Variants in ST3GAL4 observed in about 807,000 individuals in gnomAD.
The protein encoded by ST3GAL4 is ST3 beta-galactoside alpha-2,3-sialyltransferase 4.
In ST3GAL4, 24 loss-of-function variants were observed where a neutral mutation model predicts 42.6. The observed-to-expected ratio is 0.56, with a 90% CI of 0.41 to 0.79. ST3GAL4 has a LOEUF of 0.79. ST3GAL4 is among the 30% of genes least tolerant of loss of function. ST3GAL4 has a pLI of 0.00. For missense variants in ST3GAL4, 311 were observed against 430.8 expected, an observed-to-expected ratio of 0.72 and a Z score of 2.46; for synonymous variants, 135 against 163.2, an observed-to-expected ratio of 0.83 and a Z score of 1.32.
rs571425052 is a variant in ST3GAL4 at position 126,412,360 on chromosome 11, T to G, written c.772-1145T>G. 7.9e-5 allele frequency among the ~76,000 whole-genome samples: 12 copies of G among 152,064 alleles called. No individual in the cohort carries two copies. In the East Asian group the frequency reaches 2.3e-3, roughly 29 times the overall value. On this transcript the variant is annotated intron_variant, in intron 9 of 10. Coordinates refer to ENST00000444328, the MANE Select transcript of ST3GAL4 (RefSeq NM_001254757.2). ...TGGCATGTCGACAGGCCTGATGAGG[T>G]CCAGGAAAGGCTCCCAAATGGGTAT...
chr11:126,372,369 C>G lies in ST3GAL4; in HGVS notation c.-61+16527C>G, dbSNP rs547358718. ...TTTGCATAGTGTCTTCAAGGTTGAT[C>G]CATGTTGCAGTGTATGTCAGAATTT... On this transcript the variant is annotated intron_variant, in intron 1 of 10. Coordinates refer to ENST00000444328, the MANE Select transcript of ST3GAL4 (RefSeq NM_001254757.2). Among the ~76,000 whole-genome samples the G allele has an allele frequency of 1.6e-4, 25 of 152,146 alleles. No individual in the cohort carries two copies. In the South Asian group the frequency reaches 5.0e-3, roughly 30 times the overall value.
In ST3GAL4 at chr11:126,384,887, G is replaced by C; in HGVS notation, c.-60-21209G>C. Reference sequence around the variant, plus strand: ...GGTAGTGGTGGGGGCAGTGGCTGAGGACCCCTCTCTTTGCTGGGCTGGGAC... The same window carrying C: ...GGTAGTGGTGGGGGCAGTGGCTGAGCACCCCTCTCTTTGCTGGGCTGGGAC... On this transcript the variant is annotated intron_variant, in intron 1 of 10. Transcript: ENST00000444328. The surrounding 1 kb of genome is among the most constrained non-coding windows in gnomAD (Gnocchi z 5.5). 1 of 985,374 alleles carries C rather than the reference G, an allele frequency of 1.0e-6. No homozygotes were observed. Among genetic ancestry groups the C allele is most frequent in the Non-Finnish European group, 1.2e-6 (1 of 829,914 alleles). The allele number at this position is 985,374 out of a possible 1,614,324, so 61.0% of individuals were successfully genotyped here. A position where few individuals can be genotyped will look rare whatever the true frequency, so the allele number is the denominator to read the frequency against.
intron 1 of ST3GAL4, among the ~76,000 whole-genome samples, chr11:126,381,101 C>T (rs980207008): frequency 1.3e-5 from 2 of 152,228 alleles, no homozygotes; most frequent in African/African-American, 2.4e-5. Context: ...TGTCCTGCCC[C>T]TAGCCCAGAG....
At chr11:126,407,666 C>G in intron 6 of ST3GAL4, 32 bp downstream of exon 6, 1 of 1,611,496 alleles carries the variant, frequency 6.2e-7, no homozygotes, top group Non-Finnish European at 8.5e-7. Context: ...AGTCTGGGCA[C>G]CTTCTCCTAT....
Position 126,414,106 on chromosome 11 carries a change from C to G in ST3GAL4, c.*59C>G. ...CTCTGCTGTCTGGGTGACCCCCATG[C>G]GTGGCTGTGGGGGTGGCTGGTGCCA... On this transcript the variant is annotated 3_prime_UTR_variant, in exon 11 of 11. Coordinates refer to ENST00000444328, the MANE Select transcript of ST3GAL4 (RefSeq NM_001254757.2). The G allele has an allele frequency of 1.3e-6, 2 of 1,544,014 alleles. No individual in the cohort carries two copies. The highest frequency in any genetic ancestry group is 1.8e-6 in the Non-Finnish European group (2 of 1,116,230).
chr11:126,413,956 C>T lies in ST3GAL4; in HGVS notation c.916-5C>T. ...CTCAGTTTATTTCCTTGGCTGTCTC[C>T]ACAGGGGTCAGGCCATAATGTCTCC... On this transcript the variant is annotated splice_region_variant and splice_polypyrimidine_tract_variant and intron_variant, in intron 10 of 10. Coordinates refer to ENST00000444328, the MANE Select transcript of ST3GAL4 (RefSeq NM_001254757.2). The T allele has an allele frequency of 6.2e-7, 1 of 1,614,214 alleles. No individual in the cohort carries two copies. The highest frequency in any genetic ancestry group is 8.5e-7 in the Non-Finnish European group (1 of 1,180,024).
chr11:126,406,310 G>C lies in ST3GAL4; in HGVS notation c.16+139G>C. On this transcript the variant is annotated intron_variant, in intron 2 of 10. Coordinates refer to ENST00000444328, the MANE Select transcript of ST3GAL4 (RefSeq NM_001254757.2). The surrounding 1 kb of genome is among the most constrained non-coding windows in gnomAD (Gnocchi z 5.4). ...CTTCTCTTCATCTTGAAGGACAGTG[G>C]GTACAATCAGGGTCAAGCCCTCAGC... 6.5e-7 allele frequency: 1 copy of C among 1,540,186 alleles called. No individual in the cohort carries two copies. Among genetic ancestry groups the C allele is most frequent in the Non-Finnish European group, 8.8e-7 (1 of 1,142,058 alleles).
At chr11:126,413,398 TGGAGAACGTTTCC>T (rs1184136453) in intron 9 of ST3GAL4, 94 bp from the exon 10 acceptor site, 1 of 1,428,832 alleles carries the variant, frequency 7.0e-7, no homozygotes, top group South Asian at 1.4e-5. Flanking sequence ...ACAGCGCAGA[TGGAGAACGTTTCC>T]GTGACTGCAG....
intron 1 of ST3GAL4, among the ~76,000 whole-genome samples, chr11:126,365,387 G>T (rs1397001628): frequency 6.6e-6 from 1 of 152,130 alleles, no homozygotes; most frequent in African/African-American, 2.4e-5. Context: ...ATTACGCAGG[G>T]CATGGTGTTG....
intron 4 of ST3GAL4, 58 bp downstream of exon 4, chr11:126,407,081 G>A (rs147593561): frequency 2.1e-5 from 33 of 1,551,518 alleles, no homozygotes; most frequent in African/African-American, 6.8e-5. Context: ...GGGATTGAGG[G>A]TTTCACAGTG....
chr11:126,380,948 G>A (rs1175306307), intron 1 of ST3GAL4, among the ~76,000 whole-genome samples: 1 of 152,240 alleles, frequency 6.6e-6, no homozygotes, highest in Non-Finnish European at 1.5e-5. Flanking sequence ...GCTGATGCGT[G>A]CATTTCTGTC....
rs1189117295 is a variant in ST3GAL4, at chr11:126,366,302, C to CT, written c.-61+10461dup. Among the ~76,000 whole-genome samples the CT allele has an allele frequency of 6.6e-6, 1 of 152,178 alleles. No individual in the cohort carries two copies. The highest frequency in any genetic ancestry group is 2.4e-5 in the African/African-American group (1 of 41,450). ...CTGAGGAATGGAGGAAGAGAGTGCCCTGGCTGGGGGAGCCCCTCAAGCCCT... is the reference window on the plus strand; with the variant it reads ...CTGAGGAATGGAGGAAGAGAGTGCCCTTGGCTGGGGGAGCCCCTCAAGCCCT... On this transcript the variant is annotated intron_variant, in intron 1 of 10. Transcript: ENST00000444328. The surrounding 1 kb of genome is among the most constrained non-coding windows in gnomAD (Gnocchi z 4.2).
chr11:126,388,365 C>T (rs918500120), intron 1 of ST3GAL4, among the ~76,000 whole-genome samples: 1 of 152,122 alleles, frequency 6.6e-6, no homozygotes, highest in Non-Finnish European at 1.5e-5. Context: ...GAGTCTCGCT[C>T]TCTCTCCCAG....
rs555528817 is a variant in ST3GAL4 at position 126,363,676 on chromosome 11, A to G, written c.-61+7834A>G. The stretch of plus-strand genomic sequence containing the variant: ...TGGGATCTTGTCTTTCTGGGGCCTC[A>G]GGGTCTCCAAAGATGGGCTGACTAA... On this transcript the variant is annotated intron_variant, in intron 1 of 10. Coordinates refer to ENST00000444328, the MANE Select transcript of ST3GAL4 (RefSeq NM_001254757.2). This position sits in a 1 kb window ranked among gnomAD's most constrained non-coding sequence, Gnocchi z 4.6. Among the ~76,000 whole-genome samples, 1 of 152,288 alleles carries G rather than the reference A, an allele frequency of 6.6e-6. No homozygotes were observed. Among genetic ancestry groups the G allele is most frequent in the East Asian group, 1.9e-4 (1 of 5,176 alleles).
At chr11:126,403,470 T>G in intron 1 of ST3GAL4, 2 of 984,362 alleles carry the variant, frequency 2.0e-6, no homozygotes, top group African/African-American at 3.5e-5. Context: ...AGGCTGCATT[T>G]TAGAATCACA....
intron 1 of ST3GAL4, chr11:126,403,349 G>A (rs945289434): frequency 2.0e-6 from 2 of 983,674 alleles, no homozygotes; most frequent in Admixed American, 6.1e-5. Context: ...CACCTCTGAC[G>A]CTGCTCACCT....
chr11:126,381,119 C>G (rs1952985956), intron 1 of ST3GAL4, among the ~76,000 whole-genome samples: 1 of 152,204 alleles, frequency 6.6e-6, no homozygotes, highest in Non-Finnish European at 1.5e-5. Flanking sequence ...GAGCTGGCCT[C>G]TGTTGGCTTT....
At chr11:126,371,528 T>C (rs563675111) in intron 1 of ST3GAL4, among the ~76,000 whole-genome samples, 2 of 152,358 alleles carry the variant, frequency 1.3e-5, no homozygotes, top group South Asian at 4.1e-4. Context: ...TGCTGTTTTC[T>C]GATTCATCCT....
At position 126,406,014 on chromosome 11, in the gene ST3GAL4, A is replaced by C; in HGVS notation, c.-60-82A>C. ...CTGCTTTCTGGTGGAAGGGAGGGGC[A>C]GACAGTGGGTGTGTCCTGCTCCAGT... is the stretch of plus-strand genomic sequence containing the variant. On this transcript the variant is annotated intron_variant, in intron 1 of 10. Coordinates refer to ENST00000444328, the MANE Select transcript of ST3GAL4 (RefSeq NM_001254757.2). This position sits in a 1 kb window ranked among gnomAD's most constrained non-coding sequence, Gnocchi z 5.4. 1 of 1,487,696 alleles carries C rather than the reference A, an allele frequency of 6.7e-7. No individual in the cohort carries two copies. The highest frequency in any genetic ancestry group is 9.1e-7 in the Non-Finnish European group (1 of 1,093,242). The allele number at this position is 1,487,696 out of a possible 1,614,324, so 92.2% of individuals were successfully genotyped here. A position where few individuals can be genotyped will look rare whatever the true frequency, so the allele number is the denominator to read the frequency against.
Sources: gnomAD v4.1 joint callset for allele counts (sites outside exome capture counted in the v4.1 genomes callset) on GRCh38, gnomAD v4.1.1 for gene constraint, Gnocchi (gnomAD v3.1) non-coding constraint, MANE v1.5 for transcripts, NCBI Gene and HGNC (gene_info 2026-07-23, HGNC 2026-07-21) for gene names.